Variants in IL1RAPL1 observed in about 807,000 individuals in gnomAD.
IL1RAPL1 encodes interleukin 1 receptor accessory protein like 1.
In IL1RAPL1, 3 loss-of-function variants were observed where a neutral mutation model predicts 48.4. The observed-to-expected ratio is 0.06, with a 90% CI of 0.03 to 0.16. The LOEUF (loss-of-function observed/expected upper bound fraction) is 0.16, where lower values mean the gene tolerates loss of function less well. Among genes scored for constraint, IL1RAPL1 ranks in the 10% least tolerant of loss-of-function variants. The pLI is 1.00. For missense variants in IL1RAPL1, 349 were observed against 530.6 expected (o/e 0.66, Z 3.36); for synonymous variants, 185 against 187.7 (o/e 0.99, Z 0.12).
chrX:28,673,420 C>T (rs749892846), intron 1 of IL1RAPL1, among the ~76,000 whole-genome samples: 132 of 112,048 alleles, frequency 1.2e-3, no homozygotes, highest in Admixed American at 3.1e-3. Context: ...CAGTACCATT[C>T]AGGACATAGG....
At chrX:29,240,251 T>G (rs1268842729) in intron 2 of IL1RAPL1, among the ~76,000 whole-genome samples, 1 of 64,342 alleles carries the variant, frequency 1.6e-5, no homozygotes, top group Non-Finnish European at 3.1e-5. Context: ...TTTTTTTTTT[T>G]TGAGGCAGAG....
chrX:29,813,820 A>G lies in IL1RAPL1; in HGVS notation c.779-103644A>G, dbSNP rs1042726149. On this transcript the variant is annotated intron_variant, in intron 6 of 10. Transcript: ENST00000378993. Reference sequence around the variant, plus strand: ...ATATGTACTCAATTTTTAGCTCCCAATTATAAGTGAGATCATGCAGTATTT... The same window carrying G: ...ATATGTACTCAATTTTTAGCTCCCAGTTATAAGTGAGATCATGCAGTATTT... Among the ~76,000 whole-genome samples the G allele has an allele frequency of 2.7e-5, 3 of 111,171 alleles. No individual in the cohort carries two copies. The Admixed American group carries it at 2.9e-4, about 11-fold the overall frequency.
intron 2 of IL1RAPL1, among the ~76,000 whole-genome samples, chrX:29,010,070 G>A (rs778737599): frequency 8.9e-6 from 1 of 112,169 alleles, no homozygotes; most frequent in South Asian, 3.7e-4. Context: ...TGATATTGGT[G>A]TATAGAAATG....
chrX:28,607,648 A>C (rs776788940), intron 1 of IL1RAPL1, among the ~76,000 whole-genome samples: 2 of 111,409 alleles, frequency 1.8e-5, no homozygotes, highest in African/African-American at 6.5e-5. Flanking sequence ...TTTAGAAAGA[A>C]TCACTTTTTT....
intron 3 of IL1RAPL1, among the ~76,000 whole-genome samples, chrX:29,353,107 TTTAAAAACCACCAGA>T (rs1933255328): frequency 8.9e-6 from 1 of 112,150 alleles, no homozygotes; most frequent in African/African-American, 3.2e-5. Flanking sequence ...AAAAATAATC[TTTAAAAACCACCAGA>T]TTATTTGATT....
chrX:28,660,780 A>G (rs1048377278), intron 1 of IL1RAPL1, among the ~76,000 whole-genome samples: 1 of 112,042 alleles, frequency 8.9e-6, no homozygotes, highest in African/African-American at 3.2e-5. Context: ...CACAAAAAAT[A>G]TGAAGAGATT....
intron 2 of IL1RAPL1, among the ~76,000 whole-genome samples, chrX:28,944,700 AAAAT>A (rs1402682348): frequency 9.0e-6 from 1 of 110,839 alleles, no homozygotes; most frequent in Non-Finnish European, 1.9e-5. Flanking sequence ...GAAAAAAGTG[AAAAT>A]AGACTAAATG....
At chrX:29,495,522 C>T (rs770827999) in intron 5 of IL1RAPL1, among the ~76,000 whole-genome samples, 22 of 111,174 alleles carry the variant, frequency 2.0e-4, no homozygotes, top group Middle Eastern at 4.6e-3. Flanking sequence ...AGTCTCCAGA[C>T]CCAGCTGAAG....
chrX:29,153,861 C>T (rs768795795), intron 2 of IL1RAPL1, among the ~76,000 whole-genome samples: 113 of 112,086 alleles, frequency 1.0e-3, no homozygotes, highest in African/African-American at 3.5e-3. Context: ...TAAGTCCTTA[C>T]AAAATAATTC....
At chrX:29,824,245 G>A (rs1181182155) in intron 6 of IL1RAPL1, among the ~76,000 whole-genome samples, 1 of 111,192 alleles carries the variant, frequency 9.0e-6, no homozygotes, top group Non-Finnish European at 1.9e-5. Flanking sequence ...CAGATGTCAT[G>A]TTCCTGACTT....
Position 29,112,175 on chromosome X carries a change from C to T in IL1RAPL1, c.83-170763C>T, listed in dbSNP as rs2147471101. 2.7e-5 allele frequency among the ~76,000 whole-genome samples: 3 copies of T among 110,983 alleles called. No homozygotes were observed. The South Asian group carries it at 1.1e-3, about 42-fold the overall frequency. On this transcript the variant is annotated intron_variant, in intron 2 of 10. Transcript: ENST00000378993. ...GAACTCCTCAAAGTGATCCGCCTGC[C>T]TCGGCCTCCCAAAGTGATGGGATTA...
At chrX:29,449,968 A>C (rs962817261) in intron 5 of IL1RAPL1, among the ~76,000 whole-genome samples, 1 of 110,276 alleles carries the variant, frequency 9.1e-6, no homozygotes, top group South Asian at 3.8e-4. Context: ...ATATTGAGGA[A>C]ATCCTCTTGA....
chrX:29,297,586 T>C (rs1448884469), intron 3 of IL1RAPL1, among the ~76,000 whole-genome samples: 2 of 112,269 alleles, frequency 1.8e-5, no homozygotes, highest in African/African-American at 3.2e-5. Context: ...TCATGTAATG[T>C]AAACATGGAA....
chrX:29,766,342 A>AAAAATATATATAT (rs1200679211), intron 6 of IL1RAPL1, among the ~76,000 whole-genome samples: 6 of 47,507 alleles, frequency 1.3e-4, no homozygotes, highest in African/African-American at 4.5e-4. Flanking sequence ...AAAAAAAAAA[A>AAAAATATATATAT]ATATATATAT....
At chrX:29,124,731 A>G (rs898829573) in intron 2 of IL1RAPL1, among the ~76,000 whole-genome samples, 1 of 112,395 alleles carries the variant, frequency 8.9e-6, no homozygotes, top group African/African-American at 3.2e-5. Context: ...CATCATTTCC[A>G]TAAAAAAGTA....
intron 6 of IL1RAPL1, among the ~76,000 whole-genome samples, chrX:29,802,655 G>A (rs1362516667): frequency 2.0e-5 from 2 of 101,266 alleles, no homozygotes; most frequent in African/African-American, 7.1e-5. Context: ...GTGCTCTGTA[G>A]GCTTTTTAAG....
intron 5 of IL1RAPL1, among the ~76,000 whole-genome samples, chrX:29,453,816 G>T (rs781537132): frequency 8.9e-6 from 1 of 112,041 alleles, no homozygotes; most frequent in Admixed American, 9.5e-5. Flanking sequence ...TTGAAAAAAC[G>T]TGCACTATCT....
intron 2 of IL1RAPL1, among the ~76,000 whole-genome samples, chrX:28,909,157 T>C (rs1324964655): frequency 8.9e-6 from 1 of 112,013 alleles, no homozygotes; most frequent in South Asian, 3.7e-4. Flanking sequence ...TGTTTTTTAA[T>C]TGGTGTATTT....
intron 6 of IL1RAPL1, among the ~76,000 whole-genome samples, chrX:29,694,047 A>G (rs1340411012): frequency 1.8e-5 from 2 of 111,820 alleles, no homozygotes; most frequent in Non-Finnish European, 3.8e-5. Context: ...CGTACATCAG[A>G]TATAATAAGC....
Sources: gnomAD v4.1 joint callset for allele counts (sites outside exome capture counted in the v4.1 genomes callset) on GRCh38, gnomAD v4.1.1 for gene constraint, MANE v1.5 for transcripts, NCBI Gene and HGNC (gene_info 2026-07-23, HGNC 2026-07-21) for gene names.